The following FRMD3 variants were observed in gnomAD, a reference collection of about 807,000 sequenced individuals.
The protein encoded by FRMD3 is FERM domain containing 3, also known as FERM domain-containing protein 3.
A neutral mutation model predicts 70.2 loss-of-function variants in FRMD3; 33 were observed. That is an observed-to-expected ratio of 0.47 (90% CI 0.36 to 0.63). The LOEUF is 0.63. FRMD3 is among the 20% of genes least tolerant of loss of function. The probability of loss-of-function intolerance (pLI) is 0.00; values close to 1 mark genes in which losing one functional copy is unlikely to be tolerated. For missense variants in FRMD3, 632 were observed against 711.4 expected, an observed-to-expected ratio of 0.89 and a Z score of 1.27; for synonymous variants, 279 against 255.9, an observed-to-expected ratio of 1.09 and a Z score of -0.86.
At chr9:83,378,718 T>TTA (rs1166368927) in intron 2 of FRMD3, among the ~76,000 whole-genome samples, 1 of 108,320 alleles carries the variant, frequency 9.2e-6, no homozygotes, top group Non-Finnish European at 1.8e-5. Flanking sequence ...ATACTTTATA[T>TTA]TATATATAAT....
intron 10 of FRMD3, 124 bp from the exon 11 acceptor site, chr9:83,299,310 G>A (rs1834809275): frequency 1.6e-6 from 1 of 624,784 alleles, no homozygotes; most frequent in Non-Finnish European, 2.8e-6. Flanking sequence ...TTGTGACTCA[G>A]CCTGCATTGT....
At chr9:83,309,677 T>G in intron 9 of FRMD3, 53 bp from the exon 10 acceptor site, 1 of 1,188,718 alleles carries the variant, frequency 8.4e-7, no homozygotes, top group Non-Finnish European at 1.2e-6. Context: ...CATTTACATT[T>G]TCCATGGGTT....
chr9:83,324,123 G>T (rs1343031128), intron 6 of FRMD3, among the ~76,000 whole-genome samples: 1 of 152,164 alleles, frequency 6.6e-6, no homozygotes, highest in Non-Finnish European at 1.5e-5. Context: ...TGAAAATAAA[G>T]ACCTATGGCT....
chr9:83,356,943 T>C (rs780393759), intron 3 of FRMD3, among the ~76,000 whole-genome samples: 87 of 151,784 alleles, frequency 5.7e-4, no homozygotes, highest in Middle Eastern at 3.4e-3. Context: ...TTTTATGCCT[T>C]GTAGCTTAGC....
chr9:83,388,543 G>A (rs922306419), intron 2 of FRMD3, among the ~76,000 whole-genome samples: 8 of 152,110 alleles, frequency 5.3e-5, no homozygotes, highest in Non-Finnish European at 1.0e-4. Flanking sequence ...ATCCCCAGGG[G>A]TCATTTGGAT....
chr9:83,427,049 G>A (rs17404131), intron 1 of FRMD3, among the ~76,000 whole-genome samples: 2 of 152,168 alleles, frequency 1.3e-5, no homozygotes, highest in Non-Finnish European at 2.9e-5. Flanking sequence ...TTCACTACTC[G>A]ATCTCAGTCC....
chr9:83,378,912 C>T (rs1825272675), intron 2 of FRMD3, among the ~76,000 whole-genome samples: 1 of 110,238 alleles, frequency 9.1e-6, no homozygotes, highest in African/African-American at 3.4e-5. Flanking sequence ...TATTTTAGTA[C>T]AGATGGGGTT....
At chr9:83,476,642 T>C (rs563846605) in intron 1 of FRMD3, among the ~76,000 whole-genome samples, 1 of 152,226 alleles carries the variant, frequency 6.6e-6, no homozygotes, top group African/African-American at 2.4e-5. Flanking sequence ...GAGGCCACCA[T>C]GGGAAAATGT....
chr9:83,298,382 T>G (rs1019444395), intron 12 of FRMD3, among the ~76,000 whole-genome samples: 1 of 152,112 alleles, frequency 6.6e-6, no homozygotes, highest in African/African-American at 2.4e-5. Flanking sequence ...GTCAGGCCAA[T>G]GGGAACGGGC....
chr9:83,307,273 A>C (rs13302512), intron 10 of FRMD3, among the ~76,000 whole-genome samples: 1 of 152,236 alleles, frequency 6.6e-6, no homozygotes, highest in Non-Finnish European at 1.5e-5. Context: ...CAGGTCCTCA[A>C]AAAGCTAAAT....
rs1401992490 is a variant in FRMD3, at chr9:83,246,517, T to C, written c.*1401A>G. The stretch of plus-strand genomic sequence containing the variant: ...CTACTTTACCCAGGCTGAACTGGTA[T>C]GTCATCTCATGAGGCCTCTCCAGTT... On this transcript the variant is annotated 3_prime_UTR_variant, in exon 14 of 14. Coordinates refer to ENST00000304195, the MANE Select transcript of FRMD3 (RefSeq NM_174938.6). 2 of 985,140 alleles carry C rather than the reference T, an allele frequency of 2.0e-6. No individual in the cohort carries two copies. Among genetic ancestry groups the C allele is most frequent in the East Asian group, 2.3e-4 (2 of 8,764 alleles). 61.0% of individuals were successfully genotyped at this position (985,140 alleles called of 1,614,324 possible). A position where few individuals can be genotyped will look rare whatever the true frequency, so the allele number is the denominator to read the frequency against.
chr9:83,506,625 T>C (rs1221612761), intron 1 of FRMD3, among the ~76,000 whole-genome samples: 2 of 152,212 alleles, frequency 1.3e-5, no homozygotes, highest in Non-Finnish European at 2.9e-5. Context: ...GCGTGGTGAC[T>C]GGGTGTGAAG....
At chr9:83,584,923 C>A in the FRMD3 span, among the ~76,000 whole-genome samples, 2 of 152,172 alleles carry the variant, frequency 1.3e-5, no homozygotes, top group Non-Finnish European at 1.5e-5. Flanking sequence ...GTAAATAAAG[C>A]CTCACAGGGG....
chr9:83,398,794 G>T (rs539621059), intron 1 of FRMD3, among the ~76,000 whole-genome samples: 1 of 152,292 alleles, frequency 6.6e-6, no homozygotes, highest in South Asian at 2.1e-4. Context: ...TGCCCAGTAA[G>T]TATTCATAAG....
intron 1 of FRMD3, among the ~76,000 whole-genome samples, chr9:83,420,937 C>CT (rs897070718): frequency 0.24 from 25,701 of 107,492 alleles, 3,609 homozygotes; most frequent in East Asian, 0.35. Flanking sequence ...TTTCTTTCTT[C>CT]TTTTTTTTTT....
chr9:83,479,521 G>A (rs1828484398), intron 1 of FRMD3, among the ~76,000 whole-genome samples: 1 of 147,396 alleles, frequency 6.8e-6, no homozygotes, highest in Non-Finnish European at 1.5e-5. Flanking sequence ...CAGATAACTT[G>A]GGAGGCTGAG....
chr9:83,371,944 A>G (rs1397787610), intron 3 of FRMD3, among the ~76,000 whole-genome samples: 1 of 152,214 alleles, frequency 6.6e-6, no homozygotes, highest in African/African-American at 2.4e-5. Context: ...TTTGTCGTCC[A>G]TGTTCAGTTT....
At chr9:83,412,423 G>C (rs573374188) in intron 1 of FRMD3, among the ~76,000 whole-genome samples, 1 of 152,194 alleles carries the variant, frequency 6.6e-6, no homozygotes, top group Non-Finnish European at 1.5e-5. Context: ...AAGATATATA[G>C]TATGAGTTTC....
At chr9:83,273,154 G>A (rs370654579) in intron 13 of FRMD3, among the ~76,000 whole-genome samples, 21,075 of 148,020 alleles carry the variant, frequency 0.14, 892 homozygotes, top group African/African-American at 0.17. Context: ...CATTGAGAAC[G>A]GGCCATGATG....
Sources: gnomAD v4.1 joint callset for allele counts (sites outside exome capture counted in the v4.1 genomes callset) on GRCh38, gnomAD v4.1.1 for gene constraint, MANE v1.5 for transcripts, NCBI Gene and HGNC (gene_info 2026-07-23, HGNC 2026-07-21) for gene names.